The following TTC7B variants were observed in gnomAD, a reference collection of about 807,000 sequenced individuals.
TTC7B encodes the protein tetratricopeptide repeat domain 7B.
TTC7B carries 28 observed loss-of-function variants against 106.8 expected under a neutral mutation model. The observed-to-expected ratio is 0.26, with a 90% CI of 0.19 to 0.36. The LOEUF (loss-of-function observed/expected upper bound fraction) is 0.36. TTC7B is among the 10% of genes least tolerant of loss of function. The pLI, the probability that TTC7B is intolerant of heterozygous loss-of-function variation, is 1.00. For synonymous variants in TTC7B, 405 were observed against 430.6 expected (o/e 0.94, Z 0.74); for missense variants, 862 against 1,076.4 (o/e 0.80, Z 2.79).
intron 15 of TTC7B, among the ~76,000 whole-genome samples, chr14:90,626,843 G>A (rs1393836956): frequency 6.6e-6 from 1 of 152,142 alleles, no homozygotes; most frequent in Non-Finnish European, 1.5e-5. Flanking sequence ...GGTTTAAAGA[G>A]CATGGATGAC....
chr14:90,690,067 A>C (rs1234810259), intron 6 of TTC7B, among the ~76,000 whole-genome samples: 1 of 152,222 alleles, frequency 6.6e-6, no homozygotes, highest in African/African-American at 2.4e-5. Flanking sequence ...TATTAGCATC[A>C]CTAATGATGT....
At chr14:90,800,792 CAG>C (rs1445201091) in intron 1 of TTC7B, among the ~76,000 whole-genome samples, 1 of 151,854 alleles carries the variant, frequency 6.6e-6, no homozygotes, top group Non-Finnish European at 1.5e-5. Context: ...GCCTGGATGA[CAG>C]AGCAAGACTC....
At chr14:90,585,344 C>G (rs187058441) in intron 18 of TTC7B, among the ~76,000 whole-genome samples, 1 of 152,226 alleles carries the variant, frequency 6.6e-6, no homozygotes, top group Non-Finnish European at 1.5e-5. Context: ...GCCTCAGCCC[C>G]GCTGTTCTGA....
chr14:90,614,135 A>G (rs576210910), intron 16 of TTC7B, among the ~76,000 whole-genome samples: 55 of 152,314 alleles, frequency 3.6e-4, no homozygotes, highest in African/African-American at 1.3e-3. Flanking sequence ...GGGGCAGATG[A>G]GAGAGGAACT....
chr14:90,695,924 G>A (rs1354109702), intron 5 of TTC7B, among the ~76,000 whole-genome samples: 1 of 152,064 alleles, frequency 6.6e-6, no homozygotes, highest in African/African-American at 2.4e-5. Flanking sequence ...TTTAAAAGGT[G>A]GGAGACAACA....
intron 8 of TTC7B, among the ~76,000 whole-genome samples, chr14:90,679,890 A>C (rs1886983525): frequency 6.6e-6 from 1 of 152,254 alleles, no homozygotes; most frequent in African/African-American, 2.4e-5. Context: ...GGGTCTGGCA[A>C]AAACTCCCTC....
At chr14:90,745,845 C>T (rs1448828001) in intron 3 of TTC7B, among the ~76,000 whole-genome samples, 6 of 151,722 alleles carry the variant, frequency 4.0e-5, no homozygotes, top group Admixed American at 6.6e-5. Flanking sequence ...GCTGGGACTA[C>T]GGGCGCATTC....
chr14:90,680,355 C>A (rs1217437543), intron 8 of TTC7B, 117 bp downstream of exon 8: 2 of 748,004 alleles, frequency 2.7e-6, no homozygotes, highest in Non-Finnish European at 4.5e-6. Flanking sequence ...TCCAGGTATA[C>A]CCTCTAGAAA....
chr14:90,790,735 T>A lies in TTC7B; in HGVS notation c.122-4407A>T, dbSNP rs1286779700. Among the ~76,000 whole-genome samples, 5 of 152,014 alleles carry A rather than the reference T, an allele frequency of 3.3e-5. 1 individual carries two copies. The highest frequency in any genetic ancestry group is 7.4e-5 in the Non-Finnish European group (5 of 68,000). On this transcript the variant is annotated intron_variant, in intron 1 of 19. Coordinates refer to ENST00000328459, the MANE Select transcript of TTC7B (RefSeq NM_001010854.2). ...ATTCTAGCTGTGGGGGCACATGACT[T>A]ACCCTCTCAGAGCCACAATTCCATT...
Position 90,706,181 on chromosome 14 carries a change from T to G in TTC7B, c.699-10603A>C, listed in dbSNP as rs929577643. Among the ~76,000 whole-genome samples the G allele has an allele frequency of 4.0e-3, 492 of 122,404 alleles. 2 individuals carry two copies. Among genetic ancestry groups the G allele is most frequent in the Non-Finnish European group, 2.7e-3 (151 of 56,556 alleles). The allele number at this position is 122,404 out of a possible 152,430, so 80.3% of individuals were successfully genotyped here. ...GAATAATTTTTTTTTTTTTTTTTTT[T>G]GAGATGGAGTCTCGCTCTGTTGCCC... On this transcript the variant is annotated intron_variant, in intron 5 of 19. Coordinates refer to ENST00000328459, the MANE Select transcript of TTC7B (RefSeq NM_001010854.2).
At chr14:90,619,259 A>T (rs890065727) in intron 15 of TTC7B, among the ~76,000 whole-genome samples, 1 of 152,212 alleles carries the variant, frequency 6.6e-6, no homozygotes, top group African/African-American at 2.4e-5. Context: ...TGTAATAATA[A>T]GTCAAAATTC....
intron 5 of TTC7B, chr14:90,698,952 C>T (rs1037290458): frequency 4.8e-5 from 16 of 332,210 alleles, no homozygotes; most frequent in Non-Finnish European, 8.2e-5. Flanking sequence ...GACCTACTTC[C>T]ATCTTTTCTT....
intron 3 of TTC7B, among the ~76,000 whole-genome samples, chr14:90,771,904 T>C (rs1293967072): frequency 6.8e-6 from 1 of 146,684 alleles, no homozygotes; most frequent in East Asian, 1.9e-4. Flanking sequence ...TATATGTATA[T>C]ATTTCTTTAT....
rs1168495238 is a variant in TTC7B, at chr14:90,537,375, G to T, written c.*3993C>A. On this transcript the variant is annotated 3_prime_UTR_variant, in exon 20 of 20. Coordinates refer to ENST00000328459, the MANE Select transcript of TTC7B (RefSeq NM_001010854.2). ...CTATTTTTTTTTTTTTGTAGAGATG[G>T]GGGGGGGGTCTCACCATGTTGCCCA... 1 of 135,214 alleles carries T rather than the reference G, an allele frequency of 7.4e-6. No homozygotes were observed. The highest frequency in any genetic ancestry group is 1.5e-5 in the Non-Finnish European group (1 of 65,842). 8.4% of individuals were successfully genotyped at this position (135,214 alleles called of 1,614,324 possible). A position where few individuals can be genotyped will look rare whatever the true frequency, so the allele number is the denominator to read the frequency against.
At chr14:90,806,833 C>A (rs1433289333) in intron 1 of TTC7B, among the ~76,000 whole-genome samples, 1 of 151,982 alleles carries the variant, frequency 6.6e-6, no homozygotes, top group Admixed American at 6.6e-5. Context: ...CTTGAGCCTG[C>A]GAGGTTGAGG....
chr14:90,748,466 T>TA (rs912358823), intron 3 of TTC7B, among the ~76,000 whole-genome samples: 1 of 152,010 alleles, frequency 6.6e-6, no homozygotes, highest in Admixed American at 6.6e-5. Context: ...TAGCTGGGAC[T>TA]ACAGGTGCAC....
chr14:90,565,689 C>T (rs963919030), intron 19 of TTC7B, among the ~76,000 whole-genome samples: 2 of 152,096 alleles, frequency 1.3e-5, no homozygotes, highest in African/African-American at 2.4e-5. Flanking sequence ...CATGAGCCAC[C>T]GCGCCTGGCC....
chr14:90,571,342 T>A (rs1248267401), intron 19 of TTC7B, among the ~76,000 whole-genome samples: 1 of 152,130 alleles, frequency 6.6e-6, no homozygotes, highest in East Asian at 1.9e-4. Context: ...GTAGGAGGCA[T>A]CCAGTAGGAG....
intron 13 of TTC7B, among the ~76,000 whole-genome samples, chr14:90,650,880 T>G (rs1458236598): frequency 6.6e-6 from 1 of 152,228 alleles, no homozygotes; most frequent in South Asian, 2.1e-4. Context: ...CACATTCAGA[T>G]GCAGCCACCC....
Sources: gnomAD v4.1 joint callset for allele counts (sites outside exome capture counted in the v4.1 genomes callset) on GRCh38, gnomAD v4.1.1 for gene constraint, MANE v1.5 for transcripts, NCBI Gene and HGNC (gene_info 2026-07-23, HGNC 2026-07-21) for gene names.